Variants in TCP11L1 observed in about 807,000 individuals in gnomAD.
The protein encoded by TCP11L1 is T-complex protein 11-like protein 1.
A neutral mutation model predicts 48.9 loss-of-function variants in TCP11L1; 28 were observed. That is an observed-to-expected ratio of 0.57 (90% confidence interval 0.42 to 0.78). The LOEUF (loss-of-function observed/expected upper bound fraction) is 0.78. Ranked by LOEUF, TCP11L1 falls within the 30% of genes least tolerant of loss-of-function variation. The pLI is 0.00. For missense variants in TCP11L1, 505 were observed against 613.4 expected, an observed-to-expected ratio of 0.82 and a Z score of 1.87; for synonymous variants, 204 against 231.9, an observed-to-expected ratio of 0.88 and a Z score of 1.09.
At chr11:33,041,809 C>T (rs1323539959) in intron 1 of TCP11L1, among the ~76,000 whole-genome samples, 2 of 151,988 alleles carry the variant, frequency 1.3e-5, no homozygotes, top group African/African-American at 4.8e-5. Context: ...TAACTTCATT[C>T]TATTTAATGG....
chr11:33,069,701 G>C (rs1854721966), intron 9 of TCP11L1, among the ~76,000 whole-genome samples: 1 of 152,064 alleles, frequency 6.6e-6, no homozygotes, highest in Admixed American at 6.6e-5. Context: ...CACCTCCCAG[G>C]CTCAAGCAGT....
chr11:33,051,674 G>T (rs1302186995), intron 2 of TCP11L1, among the ~76,000 whole-genome samples: 1 of 151,744 alleles, frequency 6.6e-6, no homozygotes, highest in East Asian at 1.9e-4. Flanking sequence ...GTCCAGGCTG[G>T]TCTCGAACTC....
At chr11:33,057,319 A>G in intron 4 of TCP11L1, 84 bp downstream of exon 4, 2 of 1,577,098 alleles carry the variant, frequency 1.3e-6, no homozygotes, top group Non-Finnish European at 1.7e-6. Context: ...AGAAGACTTT[A>G]AAGAAATTGA....
At chr11:33,065,028 G>A (rs568734260) in intron 7 of TCP11L1, among the ~76,000 whole-genome samples, 95 of 152,300 alleles carry the variant, frequency 6.2e-4, no homozygotes, top group African/African-American at 2.2e-3. Context: ...CAGGACTTGG[G>A]AATTTCCATT....
In TCP11L1 at chr11:33,058,955, T is replaced by G. The variant is rs750824477; in HGVS notation, c.639-4T>G. ...GCTTGCTTCTAAATCCTTTTTTCTT[T>G]CAGAGAAATTTTTTCTGTGTTGGAC... On this transcript the variant is annotated splice_region_variant and splice_polypyrimidine_tract_variant and intron_variant, in intron 5 of 9. Coordinates refer to ENST00000334274, the MANE Select transcript of TCP11L1 (RefSeq NM_018393.4). The G allele has an allele frequency of 6.2e-7, 1 of 1,611,092 alleles. No homozygotes were observed. Among genetic ancestry groups the G allele is most frequent in the Admixed American group, 1.7e-5 (1 of 59,190 alleles).
At position 33,057,926 on chromosome 11, in the gene TCP11L1, TA is replaced by T; in HGVS notation, c.426del (p.Leu142PhefsTer11). On this transcript the variant is annotated frameshift_variant, in exon 5 of 10. Coordinates refer to ENST00000334274, the MANE Select transcript of TCP11L1 (RefSeq NM_018393.4). LOFTEE classifies it high-confidence loss of function. ...KLVGEIKETLLSFLLPGHTRL... is the reference protein window; with the variant it reads ...KLVGEIKETLXSFLLPGHTRL... Reference sequence around the variant, plus strand: ...AGCTGTGTTCTCTTGTAGACTCTCTTATCTTTCTTGCTGCCTGGTCATACTA... The same window carrying T: ...AGCTGTGTTCTCTTGTAGACTCTCTTTCTTTCTTGCTGCCTGGTCATACTA... 1 of 1,613,148 alleles carries T rather than the reference TA, an allele frequency of 6.2e-7. No individual in the cohort carries two copies. The highest frequency in any genetic ancestry group is 2.2e-5 in the East Asian group (1 of 44,884).
In TCP11L1 at chr11:33,058,978, G is replaced by T; in HGVS notation, c.658G>T (p.Asp220Tyr). 1 of 1,613,912 alleles carries T rather than the reference G, an allele frequency of 6.2e-7. No individual in the cohort carries two copies. Among genetic ancestry groups the T allele is most frequent in the Non-Finnish European group, 8.5e-7 (1 of 1,179,920 alleles). ...PLFREIFSVL[D>Y]LMKVDMANFA... ...TTTCAGAGAAATTTTTTCTGTGTTG[G>T]ACCTAATGAAAGTGGACATGGCCAA... The change falls in exon 6 of 10, where the codon GAC becomes TAC. Residue 220 changes from aspartate (D) to tyrosine (Y), a missense_variant. Physicochemically the swap from Asp to Tyr is radical, Grantham distance 160. Around this residue, in one of 3 missense-constraint regions of TCP11L1, gnomAD observed 335 missense variants for 413.3 expected, o/e 0.81. Coordinates refer to ENST00000334274, the MANE Select transcript of TCP11L1 (RefSeq NM_018393.4).
intron 7 of TCP11L1, among the ~76,000 whole-genome samples, chr11:33,064,787 TTG>T (rs1854566202): frequency 2.0e-5 from 3 of 152,110 alleles, no homozygotes; most frequent in African/African-American, 7.2e-5. Context: ...GGGATTTTTG[TTG>T]TTGTTGTTTT....
intron 7 of TCP11L1, among the ~76,000 whole-genome samples, chr11:33,063,065 A>G (rs1160101692): frequency 3.3e-5 from 5 of 152,048 alleles, no homozygotes; most frequent in East Asian, 1.9e-4. Flanking sequence ...GGGTCTCGCT[A>G]TGTTACTCAG....
At chr11:33,072,123 C>G (rs1384431898) in intron 9 of TCP11L1, among the ~76,000 whole-genome samples, 2 of 152,026 alleles carry the variant, frequency 1.3e-5, no homozygotes, top group African/African-American at 4.8e-5. Context: ...GGATTACAGG[C>G]GTGAGCCACC....
At chr11:33,052,719 T>C (rs893065217) in intron 2 of TCP11L1, among the ~76,000 whole-genome samples, 21 of 152,156 alleles carry the variant, frequency 1.4e-4, no homozygotes, top group Non-Finnish European at 2.5e-4. Context: ...GGCCGGCTGC[T>C]GTGGCTCACA....
chr11:33,046,649 T>C (rs1366059231), intron 2 of TCP11L1, among the ~76,000 whole-genome samples: 3 of 152,220 alleles, frequency 2.0e-5, no homozygotes, highest in Non-Finnish European at 4.4e-5. Context: ...TCTCCTGTAG[T>C]GCTAGGTAGG....
chr11:33,058,279 A>G (rs982290007), intron 5 of TCP11L1, 140 bp downstream of exon 5: 7 of 754,458 alleles, frequency 9.3e-6, no homozygotes, highest in South Asian at 2.0e-5. Context: ...GTTCACTGCA[A>G]CCTCCACCTC....
At chr11:33,065,543 G>A (rs781653317) in intron 7 of TCP11L1, among the ~76,000 whole-genome samples, 6 of 152,192 alleles carry the variant, frequency 3.9e-5, no homozygotes, top group Non-Finnish European at 5.9e-5. Flanking sequence ...GATTACAGGC[G>A]TGAGCCACCG....
chr11:33,067,797 C>G (rs1268748407), intron 8 of TCP11L1, among the ~76,000 whole-genome samples: 1 of 152,212 alleles, frequency 6.6e-6, no homozygotes, highest in African/African-American at 2.4e-5. Flanking sequence ...TGCCTGCCAG[C>G]ATGGGGGCTC....
chr11:33,054,755 G>T lies in TCP11L1; in HGVS notation c.296+30G>T, dbSNP rs746775940. On this transcript the variant is annotated intron_variant, in intron 3 of 9. Coordinates refer to ENST00000334274, the MANE Select transcript of TCP11L1 (RefSeq NM_018393.4). ...GGTGGTTGCTAAATTATCTTGCTTA[G>T]TAGAACACTGTCATTTCCCAGTTTT... is the stretch of plus-strand genomic sequence containing the variant. 2.2e-5 allele frequency: 35 copies of T among 1,587,780 alleles called. No individual in the cohort carries two copies. In the African/African-American group the frequency reaches 3.8e-4, roughly 17 times the overall value.
chr11:33,044,838 A>G lies in TCP11L1; in HGVS notation c.163+902A>G, dbSNP rs556313365. Among the ~76,000 whole-genome samples the G allele has an allele frequency of 8.5e-5, 13 of 152,284 alleles. No homozygotes were observed. In the East Asian group the frequency reaches 2.1e-3, roughly 25 times the overall value. ...AAACATGTTGTTGCTAGCACAGTCT[A>G]TCATGCATTTGTCAGGCCTGACTCC... is the stretch of plus-strand genomic sequence containing the variant. On this transcript the variant is annotated intron_variant, in intron 2 of 9. Coordinates refer to ENST00000334274, the MANE Select transcript of TCP11L1 (RefSeq NM_018393.4).
chr11:33,071,511 G>C (rs1232614520), intron 9 of TCP11L1, among the ~76,000 whole-genome samples: 1 of 152,172 alleles, frequency 6.6e-6, no homozygotes, highest in Non-Finnish European at 1.5e-5. Flanking sequence ...AGTGTGGCTT[G>C]ATCAAATCTT....
Position 33,068,869 on chromosome 11 carries a change from G to A in TCP11L1, c.1327+10G>A. The stretch of plus-strand genomic sequence containing the variant: ...ATTCGCAGGATCATGGGTACGTTTG[G>A]GGAAGGCAGGCAGCAGGGATGTGCC... On this transcript the variant is annotated intron_variant, in intron 9 of 9. Coordinates refer to ENST00000334274, the MANE Select transcript of TCP11L1 (RefSeq NM_018393.4). The A allele has an allele frequency of 6.2e-7, 1 of 1,607,286 alleles. No homozygotes were observed. The highest frequency in any genetic ancestry group is 8.5e-7 in the Non-Finnish European group (1 of 1,174,548).
Sources: allele counts gnomAD v4.1 joint callset (sites outside exome capture counted in the v4.1 genomes callset), GRCh38; gene constraint gnomAD v4.1.1; regional missense constraint gnomAD v4.1.1; transcripts MANE v1.5; gene names NCBI Gene and HGNC (gene_info 2026-07-23, HGNC 2026-07-21).